Variants in STRN observed in about 807,000 individuals in gnomAD.
STRN encodes the protein striatin, also known as protein phosphatase 2 regulatory subunit B'''alpha.
In STRN, 53 loss-of-function variants were observed where a neutral mutation model predicts 96.3. The ratio of observed to expected loss-of-function variants is 0.55; its 90% CI spans 0.44 to 0.69. The LOEUF (loss-of-function observed/expected upper bound fraction) is 0.69, where lower values mean the gene tolerates loss of function less well. Ranked by LOEUF, STRN falls within the 30% of genes least tolerant of loss-of-function variation. The pLI, the probability that STRN is intolerant of heterozygous loss-of-function variation, is 0.00. For missense variants in STRN, 987 were observed against 963.9 expected, an observed-to-expected ratio of 1.02 and a Z score of -0.32; for synonymous variants, 428 against 355.9, an observed-to-expected ratio of 1.20 and a Z score of -2.28.
intron 9 of STRN, among the ~76,000 whole-genome samples, chr2:36,883,068 G>C (rs1239215846): frequency 6.6e-6 from 1 of 152,090 alleles, no homozygotes; most frequent in African/African-American, 2.4e-5. Context: ...AAAATCATTT[G>C]TATGATTTTA....
In STRN at chr2:36,840,521, GCAT is replaced by G. The variant is rs1667926195; in HGVS notation, c.*8932_*8934del. The stretch of plus-strand genomic sequence containing the variant: ...GCTCCACAGAACCAAATGCATTTGA[GCAT>G]CAACTGTCAAGAGATTTTTTTTTTT... On this transcript the variant is annotated 3_prime_UTR_variant, in exon 18 of 18. Coordinates refer to ENST00000263918, the MANE Select transcript of STRN (RefSeq NM_003162.4). The G allele has an allele frequency of 6.8e-6, 1 of 146,740 alleles. No individual in the cohort carries two copies. Among genetic ancestry groups the G allele is most frequent in the Non-Finnish European group, 1.5e-5 (1 of 67,040 alleles). The allele number at this position is 146,740 out of a possible 1,614,324, so 9.1% of individuals were successfully genotyped here. A position where few individuals can be genotyped will look rare whatever the true frequency, so the allele number is the denominator to read the frequency against.
chr2:36,901,551 C>A (rs1311191599), intron 5 of STRN, among the ~76,000 whole-genome samples: 124 of 96,644 alleles, frequency 1.3e-3, no homozygotes, highest in African/African-American at 3.7e-3. Flanking sequence ...GACTCCGCCT[C>A]AAAAAAAAAA....
chr2:36,931,805 C>CTGCT (rs976809569), intron 1 of STRN, among the ~76,000 whole-genome samples: 1 of 152,206 alleles, frequency 6.6e-6, no homozygotes, highest in Non-Finnish European at 1.5e-5. Context: ...AACTTTAAAA[C>CTGCT]TGCTTGCTTG....
intron 4 of STRN, among the ~76,000 whole-genome samples, chr2:36,904,344 C>T (rs566857403): frequency 1.3e-3 from 199 of 152,234 alleles, no homozygotes; most frequent in African/African-American, 4.6e-3. Flanking sequence ...GTTTAAACAA[C>T]TTATAATCAA....
At chr2:36,902,826 T>C in intron 4 of STRN, 75 bp from the exon 5 acceptor site, 1 of 1,288,966 alleles carries the variant, frequency 7.8e-7, no homozygotes, top group Non-Finnish European at 1.1e-6. Context: ...AATAAAAGTA[T>C]TTATTTAAAC....
In STRN at chr2:36,849,772, G is replaced by A; in HGVS notation, c.2115C>T (p.His705=). 1 of 1,614,126 alleles carries A rather than the reference G, an allele frequency of 6.2e-7. No individual in the cohort carries two copies. Residue 705 remains histidine (H), a synonymous_variant, in exon 17 of 18, where the codon CAC becomes CAT. Transcript: ENST00000263918. Reference sequence around the variant, plus strand: ...CTGCTAAACTTGTAACAGCTTCTAGGTGGGCTACCATCGAGTGGATCAGTT... The same window carrying A: ...CTGCTAAACTTGTAACAGCTTCTAGATGGGCTACCATCGAGTGGATCAGTT... ...TGKLIHSMVA[H]LEAVTSLAVD... is the part of the protein sequence containing the mutation.
intron 6 of STRN, among the ~76,000 whole-genome samples, chr2:36,898,525 C>T (rs1669600772): frequency 6.6e-6 from 1 of 152,186 alleles, no homozygotes; most frequent in Admixed American, 6.5e-5. Context: ...GCATAAAACA[C>T]ACAGAGGTTA....
intron 10 of STRN, among the ~76,000 whole-genome samples, chr2:36,874,359 T>C (rs547018733): frequency 1.3e-4 from 20 of 149,314 alleles, no homozygotes; most frequent in African/African-American, 4.7e-4. Flanking sequence ...AACTGAAAGA[T>C]GAATCATAAA....
In STRN at chr2:36,846,387, T is replaced by TTATATATATATATATATATA. The variant is rs57446302; in HGVS notation, c.*3049_*3068dup. On this transcript the variant is annotated 3_prime_UTR_variant, in exon 18 of 18. Coordinates refer to ENST00000263918, the MANE Select transcript of STRN (RefSeq NM_003162.4). ...CAAAACAGTAAAATGCACCTATGGT[T>TTATATATATATATATATATA]TATATATATATATATATATATATAT... 15 of 78,322 alleles carry TTATATATATATATATATATA rather than the reference T, an allele frequency of 1.9e-4. No homozygotes were observed. The highest frequency in any genetic ancestry group is 4.7e-4 in the East Asian group (1 of 2,142). The allele number at this position is 78,322 out of a possible 1,614,324, so 4.9% of individuals were successfully genotyped here.
chr2:36,937,484 C>T (rs765220315), intron 1 of STRN, among the ~76,000 whole-genome samples: 3 of 151,788 alleles, frequency 2.0e-5, no homozygotes, highest in Non-Finnish European at 4.4e-5. Context: ...GCCTGGGCAA[C>T]GCACTGAGAA....
chr2:36,948,065 T>C (rs1025666004), intron 1 of STRN, among the ~76,000 whole-genome samples: 1 of 144,712 alleles, frequency 6.9e-6, no homozygotes, highest in Non-Finnish European at 1.5e-5. Flanking sequence ...CTCTCCTCTA[T>C]AATTATCAGT....
chr2:36,934,975 G>A (rs1453483470), intron 1 of STRN, among the ~76,000 whole-genome samples: 2 of 152,236 alleles, frequency 1.3e-5, no homozygotes, highest in Non-Finnish European at 2.9e-5. Context: ...CTACTCGGGA[G>A]GCTGAGGCAC....
At chr2:36,930,584 T>C (rs1670546892) in intron 1 of STRN, among the ~76,000 whole-genome samples, 1 of 152,160 alleles carries the variant, frequency 6.6e-6, no homozygotes, top group Non-Finnish European at 1.5e-5. Flanking sequence ...TTTGCATTTC[T>C]AGTAAGTACC....
At chr2:36,952,556 C>A (rs933024557) in intron 1 of STRN, among the ~76,000 whole-genome samples, 1 of 151,940 alleles carries the variant, frequency 6.6e-6, no homozygotes, top group Non-Finnish European at 1.5e-5. Flanking sequence ...TCCCAAATTT[C>A]TCACCTATGC....
chr2:36,942,162 A>C (rs1670861781), intron 1 of STRN, among the ~76,000 whole-genome samples: 1 of 152,204 alleles, frequency 6.6e-6, no homozygotes, highest in Admixed American at 6.5e-5. Context: ...CTCCAAAAAT[A>C]ACCCAAACAG....
chr2:36,936,784 T>C (rs1281858908), intron 1 of STRN, among the ~76,000 whole-genome samples: 1 of 152,216 alleles, frequency 6.6e-6, no homozygotes, highest in Admixed American at 6.5e-5. Flanking sequence ...AGAAATAGCA[T>C]TCTGAAACAG....
intron 12 of STRN, among the ~76,000 whole-genome samples, chr2:36,862,527 G>C (rs1338291774): frequency 6.6e-6 from 1 of 152,062 alleles, no homozygotes; most frequent in Non-Finnish European, 1.5e-5. Flanking sequence ...TTTCCTGTCT[G>C]TTGGCCACAT....
rs373057744 is a variant in STRN at position 36,947,607 on chromosome 2, T to C, written c.234+18623A>G. ...TATATAAAATCACTGAACTGTGTTT[T>C]ACAAAATTCAATGTAGAACTGTGTT... On this transcript the variant is annotated intron_variant, in intron 1 of 17. Transcript: ENST00000263918. 5.3e-5 allele frequency among the ~76,000 whole-genome samples: 8 copies of C among 149,638 alleles called. No homozygotes were observed. The East Asian group carries it at 1.4e-3, about 25-fold the overall frequency.
At chr2:36,869,440 A>C (rs1208035400) in intron 11 of STRN, 114 bp downstream of exon 11, 1 of 1,022,150 alleles carries the variant, frequency 9.8e-7, no homozygotes, top group Non-Finnish European at 1.3e-6. Context: ...ATGACATGGA[A>C]GAAAGAACTA....
Sources: gnomAD v4.1 joint callset for allele counts (sites outside exome capture counted in the v4.1 genomes callset) on GRCh38, gnomAD v4.1.1 for gene constraint, MANE v1.5 for transcripts, NCBI Gene and HGNC (gene_info 2026-07-23, HGNC 2026-07-21) for gene names.